The following GSE1 variants were observed in gnomAD, a reference collection of about 807,000 sequenced individuals.
The protein encoded by GSE1 is genetic suppressor element 1.
A neutral mutation model predicts 112.6 loss-of-function variants in GSE1; 32 were observed. That is an observed-to-expected ratio of 0.28 (90% CI 0.21 to 0.38). GSE1 has a LOEUF of 0.38. Ranked by LOEUF, GSE1 falls within the 10% of genes least tolerant of loss-of-function variation. The pLI, the probability that GSE1 is intolerant of heterozygous loss-of-function variation, is 1.00. For missense variants in GSE1, 2,348 were observed against 1,699.2 expected, an observed-to-expected ratio of 1.38 and a Z score of -6.71; for synonymous variants, 1,115 against 735.6, an observed-to-expected ratio of 1.52 and a Z score of -8.35.
chr16:85,409,513 C>A (rs372355565), intron 2 of GSE1, among the ~76,000 whole-genome samples: 415 of 4,164 alleles, frequency 0.1, 120 homozygotes, highest in South Asian at 0.6. Context: ...CAGGGCCCCC[C>A]GGATAATCCT....
chr16:85,321,801 A>G (rs574685729), intron 1 of GSE1, among the ~76,000 whole-genome samples: 2 of 152,138 alleles, frequency 1.3e-5, no homozygotes, highest in South Asian at 2.1e-4. Flanking sequence ...TTAAAAAAAA[A>G]AAAAAAGAAA....
At chr16:85,491,691 C>T (rs1394525066) in intron 2 of GSE1, among the ~76,000 whole-genome samples, 1 of 152,004 alleles carries the variant, frequency 6.6e-6, no homozygotes, top group East Asian at 1.9e-4. Context: ...AGCCTGGTCT[C>T]CTTTCAGGAA....
chr16:85,613,150 G>A (rs2048105780), upstream of GSE1: 3 of 1,315,472 alleles, frequency 2.3e-6, no homozygotes, highest in Non-Finnish European at 3.0e-6. Context: ...ACCTCCCGCT[G>A]GCTGAGGTCA....
In GSE1 at chr16:85,363,328, C is replaced by A. The variant is rs948676493; in HGVS notation, c.2464+5685C>A. On this transcript the variant is annotated intron_variant, in intron 2 of 2. Transcript: ENST00000637419. ...GCTGGGGCTGATTGCCCCTTTGGGG[C>A]AGTCTATGGGTTCCTTCTGCCCCAG... 3.9e-5 allele frequency among the ~76,000 whole-genome samples: 6 copies of A among 152,214 alleles called. No homozygotes were observed. The East Asian group carries it at 5.8e-4, about 15-fold the overall frequency.
intron 2 of GSE1, among the ~76,000 whole-genome samples, chr16:85,486,974 G>T (rs188542152): frequency 6.6e-6 from 1 of 152,176 alleles, no homozygotes; most frequent in Admixed American, 6.5e-5. Context: ...GCCCACCTCA[G>T]TATAGGCACC....
intron 1 of GSE1, among the ~76,000 whole-genome samples, chr16:85,313,979 AGTGT>A (rs1440507709): frequency 2.1e-5 from 3 of 141,218 alleles, no homozygotes; most frequent in Admixed American, 6.8e-5. Flanking sequence ...GACACAGCCT[AGTGT>A]GTGTATGTGT....
chr16:85,522,364 C>G (rs573974682), intron 2 of GSE1, among the ~76,000 whole-genome samples: 1 of 152,106 alleles, frequency 6.6e-6, no homozygotes, highest in African/African-American at 2.4e-5. Flanking sequence ...GCCCCCTGCC[C>G]CCAGGATGCA....
intron 1 of GSE1, among the ~76,000 whole-genome samples, chr16:85,618,356 C>T (rs1252776817): frequency 6.6e-6 from 1 of 152,214 alleles, no homozygotes; most frequent in East Asian, 1.9e-4. Flanking sequence ...ATGCCCGCCA[C>T]ATGCCCCTGA....
Position 85,656,514 on chromosome 16 carries a change from C to A in GSE1, c.1161C>A (p.Arg387=), listed in dbSNP as rs1465116521. 6.5e-7 allele frequency: 1 copy of A among 1,549,106 alleles called. No homozygotes were observed. The highest frequency in any genetic ancestry group is 1.4e-5 in the African/African-American group (1 of 73,108). The stretch of plus-strand genomic sequence containing the variant: ...AGGAGCGCGAGCGCGAGCTGGAGCG[C>A]CAGCGGGAGCAGCGGGCCCGGGAGA... ...REKERERELE[R]QREQRAREKE... Residue 387 remains arginine (R), a synonymous_variant, in exon 7 of 16, where the codon CGC becomes CGA. Transcript: ENST00000253458.
At chr16:85,365,442 G>C (rs913429493) in intron 2 of GSE1, among the ~76,000 whole-genome samples, 17 of 152,208 alleles carry the variant, frequency 1.1e-4, no homozygotes, top group Admixed American at 6.5e-4. Context: ...GCTCCTCCCA[G>C]GTCAAGCTGG....
chr16:85,184,853 G>A (rs112237135), intron 1 of GSE1, among the ~76,000 whole-genome samples: 352 of 152,238 alleles, frequency 2.3e-3, no homozygotes, highest in African/African-American at 8.0e-3. Flanking sequence ...TTAAGTGTAC[G>A]CTCTTGAAGA....
intron 2 of GSE1, among the ~76,000 whole-genome samples, chr16:85,641,532 G>C (rs2050449081): frequency 6.6e-6 from 1 of 152,178 alleles, no homozygotes; most frequent in Non-Finnish European, 1.5e-5. Context: ...GCTGCTACTT[G>C]GTCTCCTGCT....
chr16:85,364,204 C>G (rs1428995504), intron 2 of GSE1, among the ~76,000 whole-genome samples: 1 of 152,138 alleles, frequency 6.6e-6, no homozygotes, highest in East Asian at 1.9e-4. Flanking sequence ...GACTTGCGGC[C>G]CCTCCCTCCA....
At chr16:85,448,979 C>G (rs1476067654) in intron 2 of GSE1, among the ~76,000 whole-genome samples, 1 of 152,208 alleles carries the variant, frequency 6.6e-6, no homozygotes, top group Non-Finnish European at 1.5e-5. Flanking sequence ...CCCCTCCACC[C>G]GCTCAGCCCT....
chr16:85,539,020 G>A (rs544320063), intron 2 of GSE1, among the ~76,000 whole-genome samples: 155 of 152,318 alleles, frequency 1.0e-3, no homozygotes, highest in African/African-American at 3.5e-3. Flanking sequence ...CTTCAAGGCC[G>A]GTGCCCCTGC....
In GSE1 at chr16:85,399,299, T is replaced by C. The variant is rs2048037270; in HGVS notation, c.2464+41656T>C. On this transcript the variant is annotated intron_variant, in intron 2 of 2. Coordinates refer to the GSE1 transcript ENST00000637419. The stretch of plus-strand genomic sequence containing the variant: ...GCTGGGCCCCCCCAGCACAGAGTCC[T>C]CTCAGGCCGCCCCGAGTGGGGCCCT... Among the ~76,000 whole-genome samples, 5 of 152,176 alleles carry C rather than the reference T, an allele frequency of 3.3e-5. No homozygotes were observed. The South Asian group carries it at 1.0e-3, about 31-fold the overall frequency.
At chr16:85,213,798 C>G (rs897706703) in intron 1 of GSE1, among the ~76,000 whole-genome samples, 2 of 152,216 alleles carry the variant, frequency 1.3e-5, no homozygotes, top group Non-Finnish European at 2.9e-5. Flanking sequence ...TGAAGGCCCC[C>G]GCTGCCCAGC....
At chr16:85,476,069 G>A (rs1245014861) in intron 2 of GSE1, among the ~76,000 whole-genome samples, 3 of 152,108 alleles carry the variant, frequency 2.0e-5, no homozygotes, top group South Asian at 2.1e-4. Context: ...GAGCCGGGAC[G>A]ACAGTTGCGT....
At chr16:85,476,096 A>G (rs1315119153) in intron 2 of GSE1, among the ~76,000 whole-genome samples, 1 of 151,950 alleles carries the variant, frequency 6.6e-6, no homozygotes, top group Non-Finnish European at 1.5e-5. Context: ...ACGCCCAGCT[A>G]ATTTTTAAAA....
Sources: gnomAD v4.1 joint callset for allele counts (sites outside exome capture counted in the v4.1 genomes callset) on GRCh38, gnomAD v4.1.1 for gene constraint, MANE v1.5 for transcripts, NCBI Gene and HGNC (gene_info 2026-07-23, HGNC 2026-07-21) for gene names.